SAMD12: variants seen among roughly 807,000 people sequenced by gnomAD.
SAMD12 encodes sterile alpha motif domain containing 12.
A neutral mutation model predicts 15.0 loss-of-function variants in SAMD12; 9 were observed. The observed-to-expected ratio is 0.60, with a 90% CI of 0.36 to 1.05. The LOEUF is 1.05. SAMD12 is among the 50% of genes least tolerant of loss of function. The probability of loss-of-function intolerance (pLI) is 0.01; values close to 1 mark genes in which losing one functional copy is unlikely to be tolerated. For synonymous variants in SAMD12, 86 were observed against 90.1 expected (o/e 0.96, Z 0.25); for missense variants, 230 against 234.2 (o/e 0.98, Z 0.12).
chr8:118,353,439 G>A (rs564373097), intron 4 of SAMD12, among the ~76,000 whole-genome samples: 12 of 152,016 alleles, frequency 7.9e-5, no homozygotes, highest in East Asian at 1.9e-4. Context: ...TGAGATTAGC[G>A]CCCTTGTAAG....
At chr8:118,284,276 G>A (rs1224213107) in intron 4 of SAMD12, 6 of 456,044 alleles carry the variant, frequency 1.3e-5, no homozygotes, top group African/African-American at 8.0e-5. Context: ...TTACAGTTTG[G>A]GTGTGCACCT....
At chr8:118,488,339 A>T (rs1055795898) in intron 2 of SAMD12, among the ~76,000 whole-genome samples, 2 of 152,186 alleles carry the variant, frequency 1.3e-5, no homozygotes, top group African/African-American at 4.8e-5. Context: ...CAGAACCACC[A>T]TATACAATTT....
At chr8:118,610,119 T>C (rs576458067) in intron 1 of SAMD12, among the ~76,000 whole-genome samples, 33 of 152,076 alleles carry the variant, frequency 2.2e-4, no homozygotes, top group Non-Finnish European at 3.1e-4. Flanking sequence ...TGTGCTGGGG[T>C]ACGGGTGAAT....
chr8:118,505,649 T>C (rs1375727281), intron 2 of SAMD12, among the ~76,000 whole-genome samples: 2 of 151,720 alleles, frequency 1.3e-5, no homozygotes, highest in Admixed American at 6.6e-5. Context: ...CTGAAGATAC[T>C]GTACATTTGT....
At chr8:118,377,614 C>T (rs993038837), downstream of SAMD12, among the ~76,000 whole-genome samples, 1 of 152,072 alleles carries the variant, frequency 6.6e-6, no homozygotes, top group Non-Finnish European at 1.5e-5. Flanking sequence ...TCCCAGAACA[C>T]GTATGTATAT....
intron 2 of SAMD12, among the ~76,000 whole-genome samples, chr8:118,554,501 G>A (rs1307241527): frequency 6.9e-6 from 1 of 145,620 alleles, no homozygotes; most frequent in Non-Finnish European, 1.5e-5. Context: ...CATGGACACA[G>A]GAAGGGGAAC....
chr8:118,542,029 G>C (rs558040996), intron 2 of SAMD12, among the ~76,000 whole-genome samples: 1 of 152,116 alleles, frequency 6.6e-6, no homozygotes, highest in South Asian at 2.1e-4. Flanking sequence ...TATCTTAGTG[G>C]GGATAAACCA....
At chr8:118,271,205 C>T (rs1813347556) in intron 4 of SAMD12, among the ~76,000 whole-genome samples, 1 of 152,136 alleles carries the variant, frequency 6.6e-6, no homozygotes, top group South Asian at 2.1e-4. Flanking sequence ...AACTTATAAT[C>T]ATGGTGGACA....
intron 3 of SAMD12, among the ~76,000 whole-genome samples, chr8:118,386,953 G>A (rs755609676): frequency 2.0e-5 from 3 of 152,160 alleles, no homozygotes; most frequent in South Asian, 2.1e-4. Flanking sequence ...GAATTACAAC[G>A]CCTCTTTTCT....
At chr8:118,273,793 C>A (rs1327951292) in intron 4 of SAMD12, among the ~76,000 whole-genome samples, 1 of 152,108 alleles carries the variant, frequency 6.6e-6, no homozygotes, top group East Asian at 1.9e-4. Context: ...AACTGGAGAA[C>A]CTGCCTCAAG....
intron 4 of SAMD12, among the ~76,000 whole-genome samples, chr8:118,272,553 G>GTTT (rs1813388533): frequency 1.3e-5 from 2 of 152,290 alleles, no homozygotes; most frequent in African/African-American, 4.8e-5. Flanking sequence ...AGAAAATGGG[G>GTTT]TTTTCTTTTC....
chr8:118,475,046 C>T (rs1474456696), intron 2 of SAMD12, among the ~76,000 whole-genome samples: 1 of 152,084 alleles, frequency 6.6e-6, no homozygotes, highest in Non-Finnish European at 1.5e-5. Context: ...TGAGAACAGC[C>T]TGGCCAACAT....
intron 2 of SAMD12, among the ~76,000 whole-genome samples, chr8:118,445,898 C>T (rs1822897682): frequency 6.6e-6 from 1 of 152,138 alleles, no homozygotes; most frequent in African/African-American, 2.4e-5. Flanking sequence ...ATTTTAGACC[C>T]TTCATTTCCT....
intron 2 of SAMD12, among the ~76,000 whole-genome samples, chr8:118,524,213 G>T (rs1825471789): frequency 6.6e-6 from 1 of 151,936 alleles, no homozygotes; most frequent in African/African-American, 2.4e-5. Flanking sequence ...TTTTCCCCTT[G>T]ACCACTCCAC....
chr8:118,192,499 A>G (rs1819433763), exon 5 of SAMD12: 1 of 152,190 alleles, frequency 6.6e-6, no homozygotes, highest in South Asian at 2.1e-4. Context: ...TGAGGTTCAC[A>G]TCAGTAGGGC....
chr8:118,352,830 G>A (rs1818021870), intron 4 of SAMD12, among the ~76,000 whole-genome samples: 1 of 152,092 alleles, frequency 6.6e-6, no homozygotes, highest in African/African-American at 2.4e-5. Flanking sequence ...TACATGCAAA[G>A]ACCTATGCTA....
chr8:118,411,830 CAG>C (rs1472251676), intron 3 of SAMD12, among the ~76,000 whole-genome samples: 1 of 152,126 alleles, frequency 6.6e-6, no homozygotes, highest in Non-Finnish European at 1.5e-5. Context: ...CAGCTATAAA[CAG>C]AGGCTATTTC....
intron 2 of SAMD12, among the ~76,000 whole-genome samples, chr8:118,515,005 T>A (rs1825194018): frequency 6.8e-5 from 1 of 14,688 alleles, no homozygotes; most frequent in African/African-American, 1.9e-3. Flanking sequence ...AAAAGTTTTG[T>A]TTGTTTGTTT....
chr8:118,240,437 TCAGA>T (rs1335230958), intron 4 of SAMD12, among the ~76,000 whole-genome samples: 2 of 152,148 alleles, frequency 1.3e-5, no homozygotes, highest in Non-Finnish European at 1.5e-5. Flanking sequence ...ATTTTTGGAG[TCAGA>T]CAGTTCTGGA....
Sources: gnomAD v4.1 joint callset for allele counts (sites outside exome capture counted in the v4.1 genomes callset) on GRCh38, gnomAD v4.1.1 for gene constraint, MANE v1.5 for transcripts, NCBI Gene and HGNC (gene_info 2026-07-23, HGNC 2026-07-21) for gene names.